Variants in SNCAIP observed in about 807,000 individuals in gnomAD.
The protein encoded by SNCAIP is synphilin-1.
In SNCAIP, 43 loss-of-function variants were observed where a neutral mutation model predicts 86.7. The ratio of observed to expected loss-of-function variants is 0.50; its 90% CI spans 0.39 to 0.64. The LOEUF is 0.64. SNCAIP is among the 30% of genes least tolerant of loss of function. SNCAIP has a pLI of 0.00. For synonymous variants in SNCAIP, 417 were observed against 427.2 expected, an observed-to-expected ratio of 0.98 and a Z score of 0.29; for missense variants, 981 against 1,103.1, an observed-to-expected ratio of 0.89 and a Z score of 1.57.
At chr5:122,462,221 A>T (rs1437557636) in intron 10 of SNCAIP, among the ~76,000 whole-genome samples, 2 of 152,188 alleles carry the variant, frequency 1.3e-5, no homozygotes, top group Non-Finnish European at 2.9e-5. Flanking sequence ...CAAATCAGTT[A>T]GTTGGATTCC....
At position 122,463,585 on chromosome 5, in the gene SNCAIP, T is replaced by A; in HGVS notation, c.*89T>A. On this transcript the variant is annotated 3_prime_UTR_variant, in exon 11 of 11. Coordinates refer to ENST00000261368, the MANE Select transcript of SNCAIP (RefSeq NM_005460.4). ...AGAACTCTTCTTGTAAATCACTTTT[T>A]AAATTTTCTCTCACTGATGCCCTTT... 6.7e-7 allele frequency: 1 copy of A among 1,489,078 alleles called. No homozygotes were observed. The highest frequency in any genetic ancestry group is 9.3e-7 in the Non-Finnish European group (1 of 1,073,018). 92.2% of individuals were successfully genotyped at this position (1,489,078 alleles called of 1,614,324 possible).
chr5:122,347,336 G>T (rs1356900290), intron 1 of SNCAIP, among the ~76,000 whole-genome samples: 1 of 150,764 alleles, frequency 6.6e-6, no homozygotes, highest in East Asian at 1.9e-4. Flanking sequence ...AAGAACATCT[G>T]TTTACCAGCT....
chr5:122,443,782 C>T (rs1781655273), intron 7 of SNCAIP: 1 of 415,880 alleles, frequency 2.4e-6, no homozygotes, highest in South Asian at 1.8e-5. Flanking sequence ...GCTGTGGTCA[C>T]TGATGCCCTC....
chr5:122,430,177 T>C (rs1284490751), intron 5 of SNCAIP, among the ~76,000 whole-genome samples: 3 of 152,190 alleles, frequency 2.0e-5, no homozygotes, highest in Admixed American at 6.5e-5. Context: ...AGTTAAATGA[T>C]AGAATTCTAA....
chr5:122,326,206 G>A (rs1468157382), intron 1 of SNCAIP, among the ~76,000 whole-genome samples: 1 of 151,514 alleles, frequency 6.6e-6, no homozygotes. Context: ...GGCTCTTGAG[G>A]GTAGATCTGT....
At chr5:122,440,869 T>C in intron 7 of SNCAIP, 115 bp downstream of exon 7, 1 of 983,712 alleles carries the variant, frequency 1.0e-6, no homozygotes, top group Non-Finnish European at 1.6e-6. Context: ...TGTATGGTCG[T>C]AGACAATAAG....
chr5:122,346,311 A>G (rs1580549881), intron 1 of SNCAIP, among the ~76,000 whole-genome samples: 1 of 152,254 alleles, frequency 6.6e-6, no homozygotes, highest in South Asian at 2.1e-4. Flanking sequence ...CTTACCTTAC[A>G]TGGTTCAGCT....
In SNCAIP at chr5:122,422,758, C is replaced by T; in HGVS notation, c.131-110C>T. ...ATGTGCACTCTAAGTCATCCTCACA[C>T]ACAGAACCTTAATTTGAACATAATG... On this transcript the variant is annotated intron_variant, in intron 3 of 10. Transcript: ENST00000261368. The T allele has an allele frequency of 9.0e-6, 8 of 886,686 alleles. No individual in the cohort carries two copies. In the South Asian group the frequency reaches 1.2e-4, roughly 13 times the overall value. 54.9% of individuals were successfully genotyped at this position (886,686 alleles called of 1,614,324 possible).
intron 4 of SNCAIP, among the ~76,000 whole-genome samples, chr5:122,424,243 C>T (rs1214165769): frequency 6.6e-6 from 1 of 152,256 alleles, no homozygotes; most frequent in East Asian, 1.9e-4. Flanking sequence ...GCCCTCTGAC[C>T]CAGGTGGAGT....
At chr5:122,355,889 C>T (rs1005006131) in intron 1 of SNCAIP, among the ~76,000 whole-genome samples, 1 of 152,126 alleles carries the variant, frequency 6.6e-6, no homozygotes. Flanking sequence ...GTTGTCAACT[C>T]CGAGGTTAAA....
intron 1 of SNCAIP, among the ~76,000 whole-genome samples, chr5:122,358,203 GTATATATA>G (rs1214552209): frequency 3.1e-5 from 4 of 130,390 alleles, no homozygotes; most frequent in African/African-American, 1.1e-4. Context: ...GTGTGTGTGT[GTATATATA>G]TATATATAAA....
At chr5:122,348,491 C>G (rs1759083441) in intron 1 of SNCAIP, among the ~76,000 whole-genome samples, 2 of 152,050 alleles carry the variant, frequency 1.3e-5, no homozygotes, top group South Asian at 4.1e-4. Flanking sequence ...CTTCTAAAAC[C>G]CTATCAAGTT....
chr5:122,400,963 C>T, intron 2 of SNCAIP: 1 of 1,534,842 alleles, frequency 6.5e-7, no homozygotes, highest in Non-Finnish European at 8.8e-7. Context: ...CTGCAAGCCC[C>T]CTCTTCACTC....
chr5:122,369,257 A>G (rs933832054), intron 1 of SNCAIP, among the ~76,000 whole-genome samples: 4 of 152,220 alleles, frequency 2.6e-5, no homozygotes, highest in African/African-American at 9.6e-5. Context: ...CTGTGAGAAT[A>G]TAATGCCCAA....
At chr5:122,431,439 C>T (rs994710425) in intron 5 of SNCAIP, among the ~76,000 whole-genome samples, 1 of 152,048 alleles carries the variant, frequency 6.6e-6, no homozygotes, top group Admixed American at 6.6e-5. Context: ...ATTACTGATA[C>T]AAGCAGTAGC....
Position 122,451,481 on chromosome 5 carries a change from T to C in SNCAIP, c.2634T>C (p.Asn878=), listed in dbSNP as rs1783670492. 2 of 1,613,794 alleles carry C rather than the reference T, an allele frequency of 1.2e-6. No homozygotes were observed. The highest frequency in any genetic ancestry group is 1.7e-6 in the Non-Finnish European group (2 of 1,179,972). Reference sequence around the variant, plus strand: ...CACTAAGTGGCAACCAAAACAATAATAATAACTACCAGGCAGCCAACCAGC... The same window carrying C: ...CACTAAGTGGCAACCAAAACAATAACAATAACTACCAGGCAGCCAACCAGC... The part of the protein sequence containing the change: ...METLSGNQNN[N]NNYQAANQLK... Residue 878 remains asparagine (N), a synonymous_variant, in exon 10 of 11, where the codon AAT becomes AAC. Transcript: ENST00000261368.
rs778694199 is a variant in SNCAIP at position 122,415,434 on chromosome 5, C to CA, written c.131-7432dup. 2.6e-5 allele frequency among the ~76,000 whole-genome samples: 4 copies of CA among 152,266 alleles called. No individual in the cohort carries two copies. In the South Asian group the frequency reaches 6.2e-4, roughly 24 times the overall value. ...CATTTAAGTTTTAGCAACAATAAAA[C>CA]AAGAAGGGAACACTCTTATACCCTA... On this transcript the variant is annotated intron_variant, in intron 3 of 10. Coordinates refer to ENST00000261368, the MANE Select transcript of SNCAIP (RefSeq NM_005460.4).
intron 7 of SNCAIP, chr5:122,443,742 C>A: frequency 2.2e-6 from 1 of 445,620 alleles, no homozygotes; most frequent in South Asian, 1.6e-5. Flanking sequence ...CATGCAACCT[C>A]CCTGAAAGTT....
At chr5:122,335,212 A>T (rs1185052974) in intron 1 of SNCAIP, among the ~76,000 whole-genome samples, 12 of 152,172 alleles carry the variant, frequency 7.9e-5, no homozygotes, top group Non-Finnish European at 1.8e-4. Context: ...AAACAGTTTT[A>T]TAGAGAAGTT....
Sources: gnomAD v4.1 joint callset for allele counts (sites outside exome capture counted in the v4.1 genomes callset) on GRCh38, gnomAD v4.1.1 for gene constraint, MANE v1.5 for transcripts, NCBI Gene and HGNC (gene_info 2026-07-23, HGNC 2026-07-21) for gene names.